RGS7: variants seen among roughly 807,000 people sequenced by gnomAD.
RGS7 encodes regulator of G protein signaling 7.
In RGS7, 27 loss-of-function variants were observed where a neutral mutation model predicts 81.1. The observed-to-expected ratio is 0.33, with a 90% confidence interval of 0.25 to 0.46. RGS7 has a LOEUF of 0.46. Ranked by LOEUF, RGS7 falls within the 20% of genes least tolerant of loss-of-function variation. The probability of loss-of-function intolerance (pLI) is 1.00; values close to 1 mark genes in which losing one functional copy is unlikely to be tolerated. For synonymous variants in RGS7, 208 were observed against 207.7 expected, an observed-to-expected ratio of 1.00 and a Z score of -0.01; for missense variants, 396 against 607.4, an observed-to-expected ratio of 0.65 and a Z score of 3.66.
In RGS7 at chr1:240,868,706, ATTG is replaced by A; in HGVS notation, c.528-41_528-39del. On this transcript the variant is annotated intron_variant, in intron 8 of 18. Coordinates refer to ENST00000440928, the MANE Select transcript of RGS7 (RefSeq NM_001364886.1). This position sits in a 1 kb window ranked among gnomAD's most constrained non-coding sequence, Gnocchi z 5.1. ...TAACAATAGATAACATTTAGTATTA[ATTG>A]TAGTGCCTCTCTGAACAAAAAGGCC... is the stretch of plus-strand genomic sequence containing the variant. 6.2e-7 allele frequency: 1 copy of A among 1,610,694 alleles called. No individual in the cohort carries two copies. The highest frequency in any genetic ancestry group is 8.5e-7 in the Non-Finnish European group (1 of 1,176,974).
intron 2 of RGS7, among the ~76,000 whole-genome samples, chr1:241,263,952 T>C (rs2148299720): frequency 6.6e-6 from 1 of 152,268 alleles, no homozygotes; most frequent in South Asian, 2.1e-4. Context: ...ATGGCGCCTC[T>C]GTGGTTTTAA....
intron 2 of RGS7, among the ~76,000 whole-genome samples, chr1:241,261,218 C>T (rs2077317843): frequency 6.6e-6 from 1 of 152,116 alleles, no homozygotes; most frequent in South Asian, 2.1e-4. Flanking sequence ...CCTGCTGGTG[C>T]CTCAAGTCAT....
At chr1:241,051,927 G>A (rs980578726) in intron 3 of RGS7, among the ~76,000 whole-genome samples, 2 of 152,068 alleles carry the variant, frequency 1.3e-5, no homozygotes, top group African/African-American at 4.8e-5. Context: ...GTCCACAACC[G>A]TACACGTATC....
intron 9 of RGS7, among the ~76,000 whole-genome samples, chr1:240,856,018 T>A (rs571817731): frequency 6.6e-6 from 1 of 152,334 alleles, no homozygotes; most frequent in African/African-American, 2.4e-5. Context: ...AAGCCCTTTA[T>A]CTAGTTTATG....
intron 2 of RGS7, among the ~76,000 whole-genome samples, chr1:241,157,942 G>A (rs976645529): frequency 7.4e-5 from 11 of 149,250 alleles, no homozygotes; most frequent in African/African-American, 1.7e-4. Flanking sequence ...TCAGCCTCCC[G>A]AGTAGGTGTG....
rs974711442 is a variant in RGS7 at position 241,209,238 on chromosome 1, C to T, written c.79-110476G>A. Among the ~76,000 whole-genome samples the T allele has an allele frequency of 1.1e-4, 17 of 152,130 alleles. 1 individual carries two copies. Among genetic ancestry groups the T allele is most frequent in the Admixed American group, 9.8e-4 (15 of 15,274 alleles). ...TGGCCTGGGGCACACAGATGACACA[C>T]TTATCTATGTGTGATAACGCTCAGC... On this transcript the variant is annotated intron_variant, in intron 2 of 18. Coordinates refer to ENST00000440928, the MANE Select transcript of RGS7 (RefSeq NM_001364886.1).
chr1:240,788,018 T>C (rs572708352), intron 18 of RGS7, among the ~76,000 whole-genome samples: 1 of 152,268 alleles, frequency 6.6e-6, no homozygotes, highest in East Asian at 1.9e-4. Flanking sequence ...ATTGATGAAC[T>C]GGAACACATG....
At chr1:240,910,459 G>A (rs1049257018) in intron 6 of RGS7, among the ~76,000 whole-genome samples, 1 of 152,146 alleles carries the variant, frequency 6.6e-6, no homozygotes, top group African/African-American at 2.4e-5. Flanking sequence ...AGAGGGGTTA[G>A]GGAGAAATTG....
intron 9 of RGS7, among the ~76,000 whole-genome samples, chr1:240,834,366 T>TGA (rs1694326609): frequency 2.6e-5 from 4 of 152,180 alleles, no homozygotes; most frequent in Non-Finnish European, 4.4e-5. Context: ...GTGAATGAAC[T>TGA]CCACACATCC....
intron 2 of RGS7, among the ~76,000 whole-genome samples, chr1:241,194,099 A>G (rs1325223257): frequency 6.6e-6 from 1 of 152,168 alleles, no homozygotes; most frequent in Non-Finnish European, 1.5e-5. Flanking sequence ...AGCACAATAC[A>G]TATTAGTCTT....
chr1:241,214,469 G>T (rs1259571208), intron 2 of RGS7, among the ~76,000 whole-genome samples: 2 of 151,424 alleles, frequency 1.3e-5, no homozygotes, highest in Non-Finnish European at 2.9e-5. Flanking sequence ...TCAACCTTTG[G>T]ACTTCAGCAG....
intron 2 of RGS7, among the ~76,000 whole-genome samples, chr1:241,247,592 C>T (rs930805831): frequency 1.3e-5 from 2 of 151,898 alleles, no homozygotes; most frequent in African/African-American, 4.8e-5. Flanking sequence ...TTTGTAACAA[C>T]TTTCTTAATG....
At chr1:241,237,270 A>G (rs540644369) in intron 2 of RGS7, among the ~76,000 whole-genome samples, 1 of 152,338 alleles carries the variant, frequency 6.6e-6, no homozygotes, top group African/African-American at 2.4e-5. Flanking sequence ...ATTTGTTTTC[A>G]GGGAACATAT....
intron 6 of RGS7, 82 bp from the exon 7 acceptor site, chr1:240,870,201 G>C: frequency 1.7e-6 from 2 of 1,199,786 alleles, no homozygotes; most frequent in Non-Finnish European, 2.5e-6. Context: ...CAAATCAAGG[G>C]CATTGCACTT....
At chr1:241,033,015 G>A (rs560258472) in intron 3 of RGS7, among the ~76,000 whole-genome samples, 1 of 151,904 alleles carries the variant, frequency 6.6e-6, no homozygotes, top group Admixed American at 6.6e-5. Context: ...TTGCAGTATT[G>A]TATTGATGAA....
chr1:240,989,657 C>T (rs1413175741), intron 3 of RGS7, among the ~76,000 whole-genome samples: 2 of 152,000 alleles, frequency 1.3e-5, no homozygotes, highest in Middle Eastern at 3.2e-3. Context: ...CGACTATAGG[C>T]GTGTTCCTGG....
At chr1:241,179,352 G>A (rs962579504) in intron 2 of RGS7, among the ~76,000 whole-genome samples, 1 of 152,112 alleles carries the variant, frequency 6.6e-6, no homozygotes, top group Non-Finnish European at 1.5e-5. Flanking sequence ...TTCCGCCTCG[G>A]CCCCCAAAGT....
intron 2 of RGS7, among the ~76,000 whole-genome samples, chr1:241,293,338 TATC>T (rs1274322358): frequency 6.6e-6 from 1 of 152,248 alleles, no homozygotes; most frequent in African/African-American, 2.4e-5. Context: ...CTATACTTTT[TATC>T]ATTATTTAGA....
At chr1:241,071,895 A>AAAAAAAAAAAAC (rs2062486752) in intron 3 of RGS7, among the ~76,000 whole-genome samples, 1 of 147,898 alleles carries the variant, frequency 6.8e-6, no homozygotes, top group Non-Finnish European at 1.5e-5. Context: ...AAAAAAAAAA[A>AAAAAAAAAAAAC]CAAGAAAGAA....
Sources: gnomAD v4.1 joint callset for allele counts (sites outside exome capture counted in the v4.1 genomes callset) on GRCh38, gnomAD v4.1.1 for gene constraint, Gnocchi (gnomAD v3.1) non-coding constraint, MANE v1.5 for transcripts, NCBI Gene and HGNC (gene_info 2026-07-23, HGNC 2026-07-21) for gene names.